The following ITPR1 variants were observed in gnomAD, a reference collection of about 807,000 sequenced individuals.
ITPR1 encodes inositol 1,4,5-trisphosphate receptor type 1.
A neutral mutation model predicts 318.4 loss-of-function variants in ITPR1; 96 were observed. The observed-to-expected ratio is 0.30, with a 90% CI of 0.26 to 0.36. ITPR1 has a LOEUF of 0.36. Ranked by LOEUF, ITPR1 falls within the 10% of genes least tolerant of loss-of-function variation. The probability of loss-of-function intolerance (pLI) is 1.00; values close to 1 mark genes in which losing one functional copy is unlikely to be tolerated. For missense variants in ITPR1, 2,440 were observed against 3,460.2 expected (o/e 0.71, Z 7.40); for synonymous variants, 1,312 against 1,289.9 (o/e 1.02, Z -0.37).
At position 4,683,415 on chromosome 3, in the gene ITPR1, A is replaced by G; in HGVS notation, c.3191A>G (p.Asp1064Gly). ...GAGAACACCCCACTGGACTTGGATG[A>G]CCACGGCGGCAGAACCTTTCTCCGT... The part of the protein sequence containing the change: ...SEENTPLDLD[D>G]HGGRTFLRVL... The change falls in exon 27 of 62, where the codon GAC becomes GGC. Residue 1064 changes from aspartate (D) to glycine (G), a missense_variant. Around this residue, in one of 23 missense-constraint regions of ITPR1, gnomAD observed 76 missense variants for 132.2 expected, o/e 0.58. Transcript: ENST00000649015. 6.2e-7 allele frequency: 1 copy of G among 1,614,002 alleles called. No individual in the cohort carries two copies. The highest frequency in any genetic ancestry group is 8.5e-7 in the Non-Finnish European group (1 of 1,179,900).
intron 18 of ITPR1, among the ~76,000 whole-genome samples, chr3:4,667,996 A>G (rs760759537): frequency 6.6e-6 from 1 of 152,176 alleles, no homozygotes; most frequent in East Asian, 1.9e-4. Context: ...TGATGTAGGC[A>G]TGCAATGTGT....
intron 4 of ITPR1, among the ~76,000 whole-genome samples, chr3:4,584,317 A>G (rs1238145485): frequency 6.6e-6 from 1 of 152,114 alleles, no homozygotes; most frequent in Non-Finnish European, 1.5e-5. Flanking sequence ...CCTAAGTAGC[A>G]TTGTTGTAAA....
chr3:4,748,066 G>A (rs1177631363), intron 44 of ITPR1, among the ~76,000 whole-genome samples: 5 of 152,198 alleles, frequency 3.3e-5, no homozygotes, highest in African/African-American at 1.2e-4. Context: ...ACTGTGCGTG[G>A]AGCCAGTAGG....
rs547074301 is a variant in ITPR1, at chr3:4,685,114, G to A, written c.3610G>A (p.Val1204Met). The change falls in exon 30 of 62, where the codon GTG becomes ATG. Residue 1204 changes from valine to methionine, a missense_variant. Physicochemically the swap from Val to Met is conservative, Grantham distance 21. Coordinates refer to ENST00000649015, the MANE Select transcript of ITPR1 (RefSeq NM_001378452.1). ...ACTCTGTGTTCAAGAGAGTGCCTCA[G>A]TGAGAAAGAGCAGGAAGCAGCAACA... ...SKLCVQESAS[V>M]RKSRKQQQRL... 524 of 1,611,212 alleles carry A rather than the reference G, an allele frequency of 3.3e-4. 6 individuals carry two copies. In the South Asian group the frequency reaches 5.4e-3, roughly 17 times the overall value.
At chr3:4,571,790 G>T (rs576829508) in intron 4 of ITPR1, among the ~76,000 whole-genome samples, 1 of 152,202 alleles carries the variant, frequency 6.6e-6, no homozygotes, top group Non-Finnish European at 1.5e-5. Flanking sequence ...AGGAAACCTA[G>T]AATGGGCAGG....
intron 10 of ITPR1, among the ~76,000 whole-genome samples, chr3:4,649,878 A>G (rs1326291759): frequency 6.6e-6 from 1 of 152,172 alleles, no homozygotes; most frequent in Non-Finnish European, 1.5e-5. Context: ...GTTCTTATTC[A>G]TCAAGACTCG....
At chr3:4,529,027 C>T (rs749386384) in intron 4 of ITPR1, among the ~76,000 whole-genome samples, 1 of 152,160 alleles carries the variant, frequency 6.6e-6, no homozygotes, top group Non-Finnish European at 1.5e-5. Flanking sequence ...TGGAGTCCCA[C>T]ACACTGCAGC....
rs1360574973 is a variant in ITPR1 at position 4,521,051 on chromosome 3, G to A, written c.120G>A (p.Gln40=). 8.7e-6 allele frequency: 14 copies of A among 1,613,732 alleles called. No homozygotes were observed. The highest frequency in any genetic ancestry group is 1.1e-5 in the Non-Finnish European group (13 of 1,179,676). ...LGLVDDRCVV[Q]PETGDLNNPP... ...TGGTTGATGATCGTTGTGTTGTACA[G>A]CCAGAAACCGGGGACCTTAACAATC... The change falls in exon 4 of 62, where the codon CAG becomes CAA. Residue 40 remains glutamine, a synonymous_variant. Coordinates refer to ENST00000649015, the MANE Select transcript of ITPR1 (RefSeq NM_001378452.1).
chr3:4,702,351 A>G (rs1408630087), intron 35 of ITPR1, among the ~76,000 whole-genome samples: 1 of 152,192 alleles, frequency 6.6e-6, no homozygotes, highest in African/African-American at 2.4e-5. Context: ...TCCACGTATC[A>G]GTTTGTTTTT....
chr3:4,495,870 A>G (rs1190302302), intron 2 of ITPR1, among the ~76,000 whole-genome samples: 1 of 152,200 alleles, frequency 6.6e-6, no homozygotes, highest in African/African-American at 2.4e-5. Context: ...GAAGCTAGGA[A>G]AAATGGTAAA....
chr3:4,813,148 G>C lies in ITPR1; in HGVS notation c.7475G>C (p.Gly2492Ala), dbSNP rs778445347. ...ATTTCCTTCTCTCTCCCAGAAACCGGCGAGAGTTTGGCAAGCGAGTTCCTG... is the reference window on the plus strand; with the variant it reads ...ATTTCCTTCTCTCTCCCAGAAACCGCCGAGAGTTTGGCAAGCGAGTTCCTG... ...LPNETAVPET[G>A]ESLASEFLFS... Residue 2492 changes from glycine (G) to alanine (A), a missense_variant, in exon 57 of 62, where the codon GGC (glycine) becomes GCC (alanine). By Grantham distance (60) the Gly-to-Ala change is moderately conservative. Around this residue, in one of 23 missense-constraint regions of ITPR1, gnomAD observed 88 missense variants for 90.5 expected, o/e 0.97. Coordinates refer to ENST00000649015, the MANE Select transcript of ITPR1 (RefSeq NM_001378452.1). 1.9e-6 allele frequency: 3 copies of C among 1,613,922 alleles called. No individual in the cohort carries two copies. The highest frequency in any genetic ancestry group is 2.5e-6 in the Non-Finnish European group (3 of 1,179,846).
intron 2 of ITPR1, among the ~76,000 whole-genome samples, chr3:4,502,904 A>G (rs1312287368): frequency 6.6e-6 from 1 of 151,990 alleles, no homozygotes; most frequent in African/African-American, 2.4e-5. Context: ...CAACATGGTG[A>G]AACCCCATCT....
chr3:4,744,361 T>C (rs2043925739), intron 44 of ITPR1, among the ~76,000 whole-genome samples: 1 of 152,246 alleles, frequency 6.6e-6, no homozygotes. Context: ...TTCCTAACTT[T>C]CTTTAGTGAC....
In ITPR1 at chr3:4,766,616, A is replaced by C; in HGVS notation, c.5631A>C (p.Gln1877His). 1.9e-6 allele frequency: 3 copies of C among 1,613,966 alleles called. No homozygotes were observed. In the South Asian group the frequency reaches 3.3e-5, roughly 18 times the overall value. Reference protein sequence around the residue: ...VFYDRMKVAQQEIKATVTVNT... With the variant: ...VFYDRMKVAQHEIKATVTVNT... ...ATGACCGGATGAAGGTGGCCCAGCA[A>C]GAAATCAAAGCAACAGTGACAGTGA... is the stretch of plus-strand genomic sequence containing the variant. The change falls in exon 45 of 62, where the codon CAA (glutamine) becomes CAC (histidine). Residue 1877 changes from glutamine to histidine, a missense_variant. Physicochemically the swap from Gln to His is conservative, Grantham distance 24 (BLOSUM62 0). Transcript: ENST00000649015.
At chr3:4,548,727 T>A (rs574338224) in intron 4 of ITPR1, among the ~76,000 whole-genome samples, 137 of 152,276 alleles carry the variant, frequency 9.0e-4, no homozygotes, top group African/African-American at 3.1e-3. Context: ...AGTAACTAAA[T>A]TGAAAAGCCA....
At chr3:4,736,872 C>A (rs1398887000) in intron 44 of ITPR1, among the ~76,000 whole-genome samples, 3 of 152,142 alleles carry the variant, frequency 2.0e-5, no homozygotes, top group Non-Finnish European at 4.4e-5. Flanking sequence ...TGCTGCTATA[C>A]CAGGGGCGAT....
intron 2 of ITPR1, among the ~76,000 whole-genome samples, chr3:4,499,528 A>G (rs1261610905): frequency 6.6e-6 from 1 of 152,214 alleles, no homozygotes; most frequent in East Asian, 1.9e-4. Flanking sequence ...ACATAATATA[A>G]TAATTTTACA....
At chr3:4,599,733 C>T (rs1424992248) in intron 4 of ITPR1, among the ~76,000 whole-genome samples, 3 of 152,194 alleles carry the variant, frequency 2.0e-5, no homozygotes, top group African/African-American at 7.2e-5. Context: ...GCTGTTTTTG[C>T]AGCTGAGTTC....
chr3:4,765,687 C>T (rs1429257245), intron 44 of ITPR1, among the ~76,000 whole-genome samples: 2 of 151,776 alleles, frequency 1.3e-5, no homozygotes, highest in Non-Finnish European at 2.9e-5. Context: ...TGGAAATGAC[C>T]GTATTGTATT....
Sources: allele counts gnomAD v4.1 joint callset (sites outside exome capture counted in the v4.1 genomes callset), GRCh38; gene constraint gnomAD v4.1.1; regional missense constraint gnomAD v4.1.1; transcripts MANE v1.5; gene names NCBI Gene and HGNC (gene_info 2026-07-23, HGNC 2026-07-21).